DLGAP3: variants seen among roughly 807,000 people sequenced by gnomAD.
The protein encoded by DLGAP3 is DLG associated protein 3.
DLGAP3 carries 17 observed loss-of-function variants against 81.2 expected under a neutral mutation model. The ratio of observed to expected loss-of-function variants is 0.21; its 90% CI spans 0.14 to 0.31. The LOEUF is 0.31. DLGAP3 is among the 10% of genes least tolerant of loss of function. The pLI is 1.00. For missense variants in DLGAP3, 1,124 were observed against 1,388.0 expected (o/e 0.81, Z 3.02); for synonymous variants, 577 against 587.4 (o/e 0.98, Z 0.26).
intron 5 of DLGAP3, among the ~76,000 whole-genome samples, chr1:34,893,165 C>T (rs1195862573): frequency 1.8e-5 from 2 of 113,690 alleles, no homozygotes; most frequent in Non-Finnish European, 3.4e-5. Flanking sequence ...GGCGACAGAG[C>T]GAGACTCCGT....
At chr1:34,924,799 G>A (rs570443576) in intron 1 of DLGAP3, among the ~76,000 whole-genome samples, 66 of 152,278 alleles carry the variant, frequency 4.3e-4, no homozygotes, top group African/African-American at 1.5e-3. Flanking sequence ...GGGCCCCTTG[G>A]GGGAAGGGTT....
Position 34,867,526 on chromosome 1 carries a change from G to A in DLGAP3, c.2577+10C>T, listed in dbSNP as rs1638904968. On this transcript the variant is annotated intron_variant, in intron 10 of 11. Transcript: ENST00000373347. The surrounding 1 kb of genome is among the most constrained non-coding windows in gnomAD (Gnocchi z 4.3). ...TGTATCTGGTAGGATCTACTACTAT[G>A]GGCACTCACCATGCTTTGCTGACAC... 6.2e-7 allele frequency: 1 copy of A among 1,609,304 alleles called. No homozygotes were observed. Among genetic ancestry groups the A allele is most frequent in the East Asian group, 2.2e-5 (1 of 44,856 alleles).
In DLGAP3 at chr1:34,895,050, A is replaced by T. The variant is rs981118410; in HGVS notation, c.1386+4619T>A. Among the ~76,000 whole-genome samples, 9 of 152,190 alleles carry T rather than the reference A, an allele frequency of 5.9e-5. No homozygotes were observed. The highest frequency in any genetic ancestry group is 2.2e-4 in the African/African-American group (9 of 41,436). On this transcript the variant is annotated intron_variant, in intron 5 of 11. Coordinates refer to ENST00000373347, the MANE Select transcript of DLGAP3 (RefSeq NM_001080418.3). This position sits in a 1 kb window ranked among gnomAD's most constrained non-coding sequence, Gnocchi z 4.5. ...TACCCCATAAATATATACACCCACA[A>T]TTTGTCAATTTATAATAAAAATTAA...
At chr1:34,871,207 A>G (rs1412443639) in intron 8 of DLGAP3, among the ~76,000 whole-genome samples, 1 of 152,154 alleles carries the variant, frequency 6.6e-6, no homozygotes, top group African/African-American at 2.4e-5. Context: ...TACCAGCATT[A>G]TCTGAGGCCC....
chr1:34,885,968 G>A (rs1469537720), intron 6 of DLGAP3, 104 bp downstream of exon 6: 12 of 1,279,670 alleles, frequency 9.4e-6, no homozygotes, highest in Non-Finnish European at 1.3e-5. Flanking sequence ...CCCCGGGAGC[G>A]AGCGATCTGC....
chr1:34,917,058 T>C (rs1639729832), intron 1 of DLGAP3, among the ~76,000 whole-genome samples: 1 of 152,064 alleles, frequency 6.6e-6, no homozygotes, highest in Admixed American at 6.6e-5. Context: ...GGCCAATAGG[T>C]GGACCCCAGT....
chr1:34,867,066 C>G lies in DLGAP3; in HGVS notation c.2703G>C (p.Trp901Cys). ...LELQQLKANS[W>C]KLLEPKEEKK... Reference sequence around the variant, plus strand: ...GCCCCACCTTAGGCTCCAGGAGTTTCCAGCTGTTGGCCTTGAGTTGCTGTA... The same window carrying G: ...GCCCCACCTTAGGCTCCAGGAGTTTGCAGCTGTTGGCCTTGAGTTGCTGTA... The change falls in exon 11 of 12, where the codon TGG becomes TGC. Residue 901 changes from tryptophan to cysteine, a missense_variant. This residue lies in a region of DLGAP3 where 133 missense variants were observed against 171.1 expected (regional missense o/e 0.78). Coordinates refer to ENST00000373347, the MANE Select transcript of DLGAP3 (RefSeq NM_001080418.3). The surrounding 1 kb of genome is among the most constrained non-coding windows in gnomAD (Gnocchi z 4.3). 1 of 1,614,118 alleles carries G rather than the reference C, an allele frequency of 6.2e-7. No individual in the cohort carries two copies. The highest frequency in any genetic ancestry group is 8.5e-7 in the Non-Finnish European group (1 of 1,179,970).
chr1:34,865,997 G>A lies in DLGAP3; in HGVS notation c.*86C>T. 8.2e-7 allele frequency: 1 copy of A among 1,217,848 alleles called. No individual in the cohort carries two copies. The highest frequency in any genetic ancestry group is 1.2e-6 in the Non-Finnish European group (1 of 869,470). The allele number at this position is 1,217,848 out of a possible 1,614,324, so 75.4% of individuals were successfully genotyped here. A position where few individuals can be genotyped will look rare whatever the true frequency, so the allele number is the denominator to read the frequency against. ...GCCGGTGGGGCGGGCGCACGGGGCG[G>A]CCCGCGTTCACAGTGACCTCGACGC... On this transcript the variant is annotated 3_prime_UTR_variant, in exon 12 of 12. Coordinates refer to ENST00000373347, the MANE Select transcript of DLGAP3 (RefSeq NM_001080418.3).
intron 1 of DLGAP3, among the ~76,000 whole-genome samples, chr1:34,916,924 C>T (rs1014116514): frequency 6.6e-6 from 1 of 152,122 alleles, no homozygotes; most frequent in South Asian, 2.1e-4. Flanking sequence ...GTCTCGGTCT[C>T]CCTGACCTCG....
intron 1 of DLGAP3, among the ~76,000 whole-genome samples, chr1:34,913,014 C>G (rs1240767614): frequency 6.6e-6 from 1 of 152,146 alleles, no homozygotes; most frequent in Non-Finnish European, 1.5e-5. Context: ...CCTGGCCTCC[C>G]TCAACCCCAC....
intron 5 of DLGAP3, among the ~76,000 whole-genome samples, chr1:34,888,207 T>C (rs1172517302): frequency 6.6e-6 from 1 of 152,224 alleles, no homozygotes; most frequent in African/African-American, 2.4e-5. Flanking sequence ...ATGTGTAAAC[T>C]GCAGCTCAGT....
intron 5 of DLGAP3, among the ~76,000 whole-genome samples, chr1:34,893,999 G>A (rs1205334762): frequency 2.6e-5 from 4 of 151,972 alleles, no homozygotes. Context: ...ACCAGCCTGG[G>A]CAACATAGTG....
At chr1:34,924,655 C>T (rs181881886) in intron 1 of DLGAP3, among the ~76,000 whole-genome samples, 1 of 152,116 alleles carries the variant, frequency 6.6e-6, no homozygotes, top group African/African-American at 2.4e-5. Flanking sequence ...TATCTCTGAG[C>T]TTGTTGCGCT....
chr1:34,909,862 A>T (rs569319786), intron 1 of DLGAP3, among the ~76,000 whole-genome samples: 18 of 152,286 alleles, frequency 1.2e-4, no homozygotes, highest in Non-Finnish European at 2.6e-4. Context: ...TTTATTCCAC[A>T]TCCACCAAAT....
intron 3 of DLGAP3, among the ~76,000 whole-genome samples, chr1:34,903,446 T>C (rs188512203): frequency 9.3e-4 from 142 of 152,324 alleles, no homozygotes; most frequent in African/African-American, 3.1e-3. Context: ...GGAAATACAC[T>C]GGACCTCCAG....
At chr1:34,888,498 A>G (rs540431311) in intron 5 of DLGAP3, among the ~76,000 whole-genome samples, 31 of 152,238 alleles carry the variant, frequency 2.0e-4, no homozygotes, top group African/African-American at 5.1e-4. Flanking sequence ...TTAACAAAAC[A>G]CCTCTCTTGC....
intron 1 of DLGAP3, among the ~76,000 whole-genome samples, chr1:34,909,020 T>G (rs1041154985): frequency 3.3e-5 from 5 of 152,230 alleles, no homozygotes; most frequent in African/African-American, 7.2e-5. Flanking sequence ...TTCTCTTCCC[T>G]CTTCCTGCCC....
In DLGAP3 at chr1:34,913,673, T is replaced by C. The variant is rs1267981962; in HGVS notation, c.-134-6236A>G. On this transcript the variant is annotated intron_variant, in intron 1 of 11. Transcript: ENST00000373347. Reference sequence around the variant, plus strand: ...TGTTTGTGTGCTGCAGCATTTTGAGTGTCTAGAACAATGCCTGCCACTAAA... The same window carrying C: ...TGTTTGTGTGCTGCAGCATTTTGAGCGTCTAGAACAATGCCTGCCACTAAA... 2.6e-5 allele frequency among the ~76,000 whole-genome samples: 4 copies of C among 152,126 alleles called. No individual in the cohort carries two copies. The East Asian group carries it at 5.8e-4, about 22-fold the overall frequency.
Position 34,868,280 on chromosome 1 carries a change from C to T in DLGAP3, c.2485+325G>A, listed in dbSNP as rs1216359974. On this transcript the variant is annotated intron_variant, in intron 9 of 11. Transcript: ENST00000373347. This position sits in a 1 kb window ranked among gnomAD's most constrained non-coding sequence, Gnocchi z 7.5. ...CCTGGATCCCCACACCAGTCCAGAT[C>T]TGAACGGAGTTCCCTTAGTCCCCAT... Among the ~76,000 whole-genome samples the T allele has an allele frequency of 1.3e-5, 2 of 152,228 alleles. No homozygotes were observed. The highest frequency in any genetic ancestry group is 4.8e-5 in the African/African-American group (2 of 41,458).
Sources: allele counts gnomAD v4.1 joint callset (sites outside exome capture counted in the v4.1 genomes callset), GRCh38; gene constraint gnomAD v4.1.1; regional missense constraint gnomAD v4.1.1; non-coding constraint Gnocchi (gnomAD v3.1); transcripts MANE v1.5; gene names NCBI Gene and HGNC (gene_info 2026-07-23, HGNC 2026-07-21).